Variants in TSPEAR observed in about 807,000 individuals in gnomAD.
TSPEAR encodes the protein thrombospondin type laminin G domain and EAR repeats, also known as thrombospondin-type laminin G domain and EAR repeat-containing protein.
TSPEAR carries 69 observed loss-of-function variants against 71.6 expected under a neutral mutation model. That is an observed-to-expected ratio of 0.96 (90% CI 0.79 to 1.18). TSPEAR has a LOEUF of 1.18. Ranked by LOEUF, TSPEAR falls within the 50% of genes most tolerant of loss-of-function variation. The pLI is 0.00. For synonymous variants in TSPEAR, 402 were observed against 387.2 expected (o/e 1.04, Z -0.45); for missense variants, 971 against 894.9 (o/e 1.09, Z -1.09).
At chr21:44,558,490 T>G in intron 2 of TSPEAR, 1 of 1,613,780 alleles carries the variant, frequency 6.2e-7, no homozygotes, top group Non-Finnish European at 8.5e-7. Flanking sequence ...CACGAGGGCG[T>G]GCAGGAGCTG....
intron 1 of TSPEAR, among the ~76,000 whole-genome samples, chr21:44,635,070 C>A (rs1368972339): frequency 6.6e-6 from 1 of 152,072 alleles, no homozygotes; most frequent in Non-Finnish European, 1.5e-5. Context: ...TAGGGCCGGG[C>A]GCAGTGGCTC....
chr21:44,509,159 G>A (rs925436323), intron 10 of TSPEAR, 40 bp downstream of exon 10: 1 of 1,589,202 alleles, frequency 6.3e-7, no homozygotes, highest in Non-Finnish European at 8.6e-7. Context: ...GGGCCTCCCA[G>A]AGATCAGCCC....
intron 2 of TSPEAR, among the ~76,000 whole-genome samples, chr21:44,561,331 C>G (rs2053629299): frequency 6.6e-6 from 1 of 152,120 alleles, no homozygotes; most frequent in Non-Finnish European, 1.5e-5. Context: ...GAAATTGAGG[C>G]AGTAATTAAT....
At chr21:44,514,283 T>G (rs369915827) in intron 9 of TSPEAR, among the ~76,000 whole-genome samples, 7 of 152,342 alleles carry the variant, frequency 4.6e-5, no homozygotes, top group Admixed American at 1.3e-4. Context: ...CATGGCTGCC[T>G]GCCGGGCACC....
At chr21:44,697,324 C>T (rs782392617) in intron 1 of TSPEAR, 4 of 1,613,370 alleles carry the variant, frequency 2.5e-6, no homozygotes, top group South Asian at 2.2e-5. Flanking sequence ...AGCCCCCCTG[C>T]TGCGCCCCGG....
intron 10 of TSPEAR, 84 bp downstream of exon 10, chr21:44,509,115 G>GT: frequency 1.4e-6 from 2 of 1,467,558 alleles, no homozygotes; most frequent in East Asian, 4.7e-5. Context: ...GGGAAGGGTG[G>GT]TGAGGATGAG....
chr21:44,562,455 A>G (rs868959022), intron 2 of TSPEAR, among the ~76,000 whole-genome samples: 18 of 152,266 alleles, frequency 1.2e-4, no homozygotes, highest in South Asian at 2.1e-4. Flanking sequence ...TACCACTGAC[A>G]TTCTTCACAG....
rs779037491 is a variant in TSPEAR, at chr21:44,646,685, C to T, written c.82+64748G>A. The T allele has an allele frequency of 1.6e-5, 26 of 1,614,010 alleles. No homozygotes were observed. The highest frequency in any genetic ancestry group is 2.2e-5 in the East Asian group (1 of 44,896). On this transcript the variant is annotated intron_variant, in intron 1 of 11. Coordinates refer to ENST00000323084, the MANE Select transcript of TSPEAR (RefSeq NM_144991.3). ...CAATCAGGCTGCACCAGCTCCTGCA[C>T]GCCGTCATGCTGCCAGCAGTCTAGC...
intron 2 of TSPEAR, among the ~76,000 whole-genome samples, chr21:44,552,411 A>G (rs1358611388): frequency 2.0e-5 from 3 of 152,152 alleles, no homozygotes; most frequent in Non-Finnish European, 4.4e-5. Context: ...AACATCTCCC[A>G]GTGTCCTTCC....
chr21:44,558,042 C>T lies in TSPEAR; in HGVS notation c.303+9743G>A, dbSNP rs781833971. On this transcript the variant is annotated intron_variant, in intron 2 of 11. Transcript: ENST00000323084. ...CTGGAACAACTCTGGAGAAACGGGA[C>T]CTGCCCGTCAGCAGCTGGACTTCTG... 9 of 1,596,096 alleles carry T rather than the reference C, an allele frequency of 5.6e-6. No homozygotes were observed. The East Asian group carries it at 2.0e-4, about 36-fold the overall frequency.
chr21:44,669,347 C>T (rs1290848795), intron 1 of TSPEAR, among the ~76,000 whole-genome samples: 1 of 152,084 alleles, frequency 6.6e-6, no homozygotes, highest in African/African-American at 2.4e-5. Context: ...CACTTGAACC[C>T]GGGAGGTGGA....
chr21:44,653,399 C>A (rs1555941869), intron 1 of TSPEAR, among the ~76,000 whole-genome samples: 1 of 150,350 alleles, frequency 6.7e-6, no homozygotes, highest in East Asian at 1.9e-4. Flanking sequence ...GACAGGGCTG[C>A]CCCCGGGCTG....
At chr21:44,615,258 G>C (rs587630981) in intron 1 of TSPEAR, among the ~76,000 whole-genome samples, 1 of 152,242 alleles carries the variant, frequency 6.6e-6, no homozygotes. Context: ...GCCGCACCAC[G>C]GGGAGGCCCT....
Position 44,509,348 on chromosome 21 carries a change from C to A in TSPEAR, c.1605G>T (p.Gly535=), listed in dbSNP as rs782167264. The A allele has an allele frequency of 6.2e-7, 1 of 1,613,882 alleles. No individual in the cohort carries two copies. The highest frequency in any genetic ancestry group is 8.5e-7 in the Non-Finnish European group (1 of 1,179,976). ...TTGCCACAGCGAGGAAGATCCTCTC[C>A]CCGATCTGGAAGACCTCCCAGTCTG... ...GAADWEVFQI[G]ERIFLAVANS... Residue 535 remains glycine (G), a synonymous_variant, in exon 10 of 12, where the codon GGG becomes GGT. Transcript: ENST00000323084.
intron 2 of TSPEAR, among the ~76,000 whole-genome samples, chr21:44,542,742 T>TAA (rs11404148): frequency 0.02 from 2,400 of 119,774 alleles, 83 homozygotes; most frequent in African/African-American, 0.066. Context: ...AGAGACCTGT[T>TAA]AAAAAAAAAA....
At chr21:44,573,745 C>T (rs200314238) in intron 1 of TSPEAR, 33 of 1,607,146 alleles carry the variant, frequency 2.1e-5, no homozygotes, top group South Asian at 1.3e-4. Flanking sequence ...ACCCCCAGCA[C>T]AGCAGCATCC....
Position 44,601,588 on chromosome 21 carries a change from G to A in TSPEAR, c.83-33583C>T, listed in dbSNP as rs201340605. 1.9e-4 allele frequency: 307 copies of A among 1,613,446 alleles called. 1 individual carries two copies. Among genetic ancestry groups the A allele is most frequent in the East Asian group, 3.3e-4 (15 of 44,840 alleles). ...CCCCGTGTGCAGGCCCGCCTGCTGC[G>A]TGCCCGTCCCCTCCTGCTGCGCCCC... On this transcript the variant is annotated intron_variant, in intron 1 of 11. Transcript: ENST00000323084.
In TSPEAR at chr21:44,558,507, C is replaced by T. The variant is rs368261366; in HGVS notation, c.303+9278G>A. On this transcript the variant is annotated intron_variant, in intron 2 of 11. Transcript: ENST00000323084. ...CGAGGGCGTGCAGGAGCTGGTGCAG[C>T]CTGACTGGCAGGGGCTGGGCTCACA... 3.7e-6 allele frequency: 6 copies of T among 1,613,866 alleles called. No individual in the cohort carries two copies. The highest frequency in any genetic ancestry group is 1.7e-5 in the Admixed American group (1 of 60,024).
At chr21:44,650,420 C>CGGCGGCAGAGGCTGGGGCCACGTGACGAT (rs1984708735) in intron 1 of TSPEAR, among the ~76,000 whole-genome samples, 1 of 149,428 alleles carries the variant, frequency 6.7e-6, no homozygotes, top group Non-Finnish European at 1.5e-5. Context: ...CATGTGACGA[C>CGGCGGCAGAGGCTGGGGCCACGTGACGAT]GGCGGCAGAG....
Sources: gnomAD v4.1 joint callset for allele counts (sites outside exome capture counted in the v4.1 genomes callset) on GRCh38, gnomAD v4.1.1 for gene constraint, MANE v1.5 for transcripts, NCBI Gene and HGNC (gene_info 2026-07-23, HGNC 2026-07-21) for gene names.